The following RPA3 variants were observed in gnomAD, a reference collection of about 807,000 sequenced individuals.
RPA3 encodes replication protein A 14 kDa subunit.
In RPA3, 24 loss-of-function variants were observed where a neutral mutation model predicts 13.7. The observed-to-expected ratio is 1.75, with a 90% CI of 1.27 to 2.46. RPA3 has a LOEUF of 2.46. RPA3 is among the 30% of genes most tolerant of loss of function. The pLI is 0.00. For missense variants in RPA3, 183 were observed against 151.0 expected (o/e 1.21, Z -1.11); for synonymous variants, 59 against 51.2 (o/e 1.15, Z -0.65).
chr7:7,682,483 T>G (rs867241111), intron 4 of RPA3, among the ~76,000 whole-genome samples: 4 of 152,206 alleles, frequency 2.6e-5, no homozygotes, highest in Middle Eastern at 3.2e-3. Flanking sequence ...CTGTGTTGTT[T>G]CCTTTATTTA....
At chr7:7,692,664 C>CAGT (rs1780200129) in intron 2 of RPA3, among the ~76,000 whole-genome samples, 1 of 152,182 alleles carries the variant, frequency 6.6e-6, no homozygotes, top group Admixed American at 6.5e-5. Context: ...GGCTGGAGTG[C>CAGT]AGTAGCGTGA....
chr7:7,643,419 C>G (rs1418851542), intron 4 of RPA3, among the ~76,000 whole-genome samples: 3 of 152,158 alleles, frequency 2.0e-5, no homozygotes, highest in Non-Finnish European at 4.4e-5. Context: ...TGTAAAAGTC[C>G]TAGGATCAGG....
At chr7:7,683,913 G>T (rs1444433006) in intron 4 of RPA3, among the ~76,000 whole-genome samples, 1 of 152,168 alleles carries the variant, frequency 6.6e-6, no homozygotes, top group African/African-American at 2.4e-5. Context: ...GTGAGCCACT[G>T]CTTCCAGCCA....
At chr7:7,642,957 G>A (rs750777909) in intron 4 of RPA3, among the ~76,000 whole-genome samples, 2 of 152,072 alleles carry the variant, frequency 1.3e-5, no homozygotes, top group African/African-American at 4.8e-5. Context: ...TGTATCTTCT[G>A]ACTTCTTTTG....
chr7:7,671,918 C>A (rs1779615282), intron 4 of RPA3, among the ~76,000 whole-genome samples: 1 of 151,960 alleles, frequency 6.6e-6, no homozygotes, highest in Admixed American at 6.6e-5. Context: ...TTGTGTTTTT[C>A]TTCTCCATTT....
At chr7:7,655,449 C>G (rs1785317975) in intron 4 of RPA3, among the ~76,000 whole-genome samples, 1 of 152,100 alleles carries the variant, frequency 6.6e-6, no homozygotes, top group South Asian at 2.1e-4. Flanking sequence ...CTGTTGAACC[C>G]TATACAGTGA....
intron 5 of RPA3, 22 bp downstream of exon 5, chr7:7,640,298 C>T (rs769411720): frequency 6.2e-7 from 1 of 1,613,096 alleles, no homozygotes; most frequent in South Asian, 1.1e-5. Context: ...ACTTGGGAGC[C>T]CATGATTGCG....
chr7:7,666,187 TG>T (rs869154694), intron 4 of RPA3, among the ~76,000 whole-genome samples: 2 of 25,468 alleles, frequency 7.9e-5, no homozygotes, highest in Non-Finnish European at 1.0e-4. Context: ...AAGTGTTTTT[TG>T]TTTGTTTGTT....
chr7:7,649,725 G>T (rs899566455), intron 4 of RPA3, among the ~76,000 whole-genome samples: 2 of 107,792 alleles, frequency 1.9e-5, no homozygotes, highest in Admixed American at 1.9e-4. Context: ...CTGCTGCCAT[G>T]GTCCGAATGT....
In RPA3 at chr7:7,644,919, T is replaced by C. The variant is rs540327077; in HGVS notation, c.-757-3744A>G. Reference sequence around the variant, plus strand: ...GATGTATTTCAGGAAAAGTAACACCTGAATGTCAACTCTTACTATCCTTGA... The same window carrying C: ...GATGTATTTCAGGAAAAGTAACACCCGAATGTCAACTCTTACTATCCTTGA... On this transcript the variant is annotated intron_variant, in intron 4 of 7. Coordinates refer to ENST00000223129, the MANE Select transcript of RPA3 (RefSeq NM_002947.5). 6.4e-4 allele frequency among the ~76,000 whole-genome samples: 97 copies of C among 152,348 alleles called. 1 individual carries two copies. The highest frequency in any genetic ancestry group is 6.8e-3 in the Middle Eastern group (2 of 294).
At chr7:7,652,545 A>G (rs534351896) in intron 4 of RPA3, among the ~76,000 whole-genome samples, 14 of 152,350 alleles carry the variant, frequency 9.2e-5, no homozygotes, top group African/African-American at 2.2e-4. Flanking sequence ...CTGGTTTTAT[A>G]CAGGACTTAG....
chr7:7,702,887 A>T (rs1410463431), intron 2 of RPA3, among the ~76,000 whole-genome samples: 1 of 152,196 alleles, frequency 6.6e-6, no homozygotes, highest in Non-Finnish European at 1.5e-5. Context: ...TGCTTCACCC[A>T]CCTGTACAAC....
chr7:7,643,662 A>T (rs1459793772), intron 4 of RPA3, among the ~76,000 whole-genome samples: 5 of 151,218 alleles, frequency 3.3e-5, no homozygotes, highest in Non-Finnish European at 7.4e-5. Flanking sequence ...CAGTGAGCCG[A>T]GATCGCGCCA....
intron 4 of RPA3, among the ~76,000 whole-genome samples, chr7:7,649,052 G>A (rs1785160843): frequency 1.3e-5 from 2 of 151,256 alleles, no homozygotes; most frequent in Non-Finnish European, 2.9e-5. Context: ...CAGCTACTCA[G>A]GAGGCTGAGG....
intron 4 of RPA3, among the ~76,000 whole-genome samples, chr7:7,663,468 C>G (rs901335819): frequency 6.6e-6 from 1 of 152,104 alleles, no homozygotes; most frequent in Admixed American, 6.5e-5. Flanking sequence ...CCCCATTACA[C>G]CAATATCAAA....
At chr7:7,698,974 CCCCCCA>C (rs1563133754) in intron 2 of RPA3, among the ~76,000 whole-genome samples, 2 of 151,268 alleles carry the variant, frequency 1.3e-5, no homozygotes, top group African/African-American at 4.9e-5. Flanking sequence ...CCCACTTCAG[CCCCCCA>C]AGTATCTGGG....
At chr7:7,682,614 G>A (rs554523574) in intron 4 of RPA3, among the ~76,000 whole-genome samples, 105 of 152,148 alleles carry the variant, frequency 6.9e-4, no homozygotes, top group African/African-American at 2.3e-3. Flanking sequence ...AACTAAACAG[G>A]TTTTCAACAT....
At chr7:7,642,113 G>C (rs1433569856) in intron 4 of RPA3, among the ~76,000 whole-genome samples, 1 of 152,112 alleles carries the variant, frequency 6.6e-6, no homozygotes, top group Non-Finnish European at 1.5e-5. Context: ...TTATATAGGG[G>C]AGAGTACACA....
chr7:7,711,407 A>C (rs920738436), intron 2 of RPA3, among the ~76,000 whole-genome samples: 2 of 152,168 alleles, frequency 1.3e-5, no homozygotes, highest in Non-Finnish European at 2.9e-5. Flanking sequence ...AATCATGGCA[A>C]ATTTTTTTCC....
Sources: allele counts gnomAD v4.1 joint callset (sites outside exome capture counted in the v4.1 genomes callset), GRCh38; gene constraint gnomAD v4.1.1; transcripts MANE v1.5; gene names NCBI Gene and HGNC (gene_info 2026-07-23, HGNC 2026-07-21).